The following NEK3 variants were observed in gnomAD, a reference collection of about 807,000 sequenced individuals.
NEK3 encodes the protein NIMA related kinase 3.
A neutral mutation model predicts 66.0 loss-of-function variants in NEK3; 54 were observed. The ratio of observed to expected loss-of-function variants is 0.82; its 90% CI spans 0.66 to 1.03. The LOEUF (loss-of-function observed/expected upper bound fraction) is 1.03. Ranked by LOEUF, NEK3 falls within the 50% of genes least tolerant of loss-of-function variation. The pLI, the probability that NEK3 is intolerant of heterozygous loss-of-function variation, is 0.00. For synonymous variants in NEK3, 200 were observed against 206.2 expected, an observed-to-expected ratio of 0.97 and a Z score of 0.26; for missense variants, 593 against 603.0, an observed-to-expected ratio of 0.98 and a Z score of 0.17.
intron 2 of NEK3, among the ~76,000 whole-genome samples, chr13:52,155,732 A>G (rs1000236892): frequency 2.0e-5 from 3 of 152,238 alleles, no homozygotes; most frequent in Non-Finnish European, 4.4e-5. Context: ...GCTGGAGTGC[A>G]GTGGCACAAT....
intron 8 of NEK3, among the ~76,000 whole-genome samples, chr13:52,147,579 G>A (rs1403499760): frequency 6.6e-6 from 1 of 152,174 alleles, no homozygotes; most frequent in East Asian, 1.9e-4. Context: ...AAATTCATGA[G>A]GCAGAAATTA....
chr13:52,156,410 T>C (rs1286278769), intron 1 of NEK3, 162 bp from the exon 2 acceptor site: 1 of 375,634 alleles, frequency 2.7e-6, no homozygotes, highest in African/African-American at 2.1e-5. Flanking sequence ...ATGTAAGAAT[T>C]GTTTTGAGCT....
At chr13:52,146,105 T>C (rs1434107014) in intron 8 of NEK3, among the ~76,000 whole-genome samples, 1 of 152,220 alleles carries the variant, frequency 6.6e-6, no homozygotes, top group Non-Finnish European at 1.5e-5. Flanking sequence ...TCCTTAATAA[T>C]TTCTGCTTGT....
chr13:52,133,891 C>CAG, intron 14 of NEK3, 76 bp from the exon 15 acceptor site: 2 of 1,443,856 alleles, frequency 1.4e-6, no homozygotes, highest in African/African-American at 1.4e-5. Context: ...TTAAAATCCT[C>CAG]CGTAAGCTTG....
At chr13:52,139,720 A>C (rs1956231768) in intron 11 of NEK3, among the ~76,000 whole-genome samples, 1 of 152,004 alleles carries the variant, frequency 6.6e-6, no homozygotes, top group Non-Finnish European at 1.5e-5. Context: ...CCAACATAGC[A>C]AAACCCCATC....
chr13:52,141,699 G>C (rs1036792017), intron 10 of NEK3, among the ~76,000 whole-genome samples: 1 of 152,194 alleles, frequency 6.6e-6, no homozygotes, highest in Non-Finnish European at 1.5e-5. Context: ...TCTGTCTACA[G>C]ATTAAACTGG....
At chr13:52,158,864 C>A (rs1428320262) in intron 1 of NEK3, among the ~76,000 whole-genome samples, 1 of 152,188 alleles carries the variant, frequency 6.6e-6, no homozygotes, top group Non-Finnish European at 1.5e-5. Context: ...CATCTTGCTT[C>A]TAACCTCACG....
chr13:52,135,783 G>C lies in NEK3; in HGVS notation c.1255C>G (p.Leu419Val). Residue 419 changes from leucine to valine, a missense_variant, in exon 14 of 16, where the codon CTT becomes GTT. Coordinates refer to ENST00000610828, the MANE Select transcript of NEK3 (RefSeq NM_002498.3). The stretch of plus-strand genomic sequence containing the variant: ...GCCAAGCTGAGATCAGCATTCTTAA[G>C]GATGTTCAACAAAGTGTCAGGGGTC... ...KETPDTLLNI[L>V]KNADLSLAFQ... 1.2e-6 allele frequency: 2 copies of C among 1,613,652 alleles called. No homozygotes were observed. The highest frequency in any genetic ancestry group is 1.1e-5 in the South Asian group (1 of 91,072).
At chr13:52,141,741 T>A (rs929905342) in intron 10 of NEK3, among the ~76,000 whole-genome samples, 11 of 137,956 alleles carry the variant, frequency 8.0e-5, no homozygotes. Flanking sequence ...CCCAGTCTGG[T>A]GGCATTTCTC....
chr13:52,133,944 T>C, intron 14 of NEK3, 129 bp from the exon 15 acceptor site: 1 of 868,174 alleles, frequency 1.2e-6, no homozygotes, highest in Non-Finnish European at 1.7e-6. Flanking sequence ...TTTTGTAGTG[T>C]CTCCCCACAT....
chr13:52,156,160 C>A lies in NEK3; in HGVS notation c.32G>T (p.Gly11Val), dbSNP rs1373182430. MDDYMVLRMI[G>V]EGSFGRALLV... ...AAGAGCTCTGCCGAAGGAGCCCTCC[C>A]CAATCATTCTCAGGACCATGTAGTC... Residue 11 changes from glycine to valine, a missense_variant, in exon 2 of 16, where the codon GGG becomes GTG. Transcript: ENST00000610828. The A allele has an allele frequency of 1.2e-6, 2 of 1,603,608 alleles. No homozygotes were observed. Among genetic ancestry groups the A allele is most frequent in the African/African-American group, 1.3e-5 (1 of 74,800 alleles).
intron 15 of NEK3, 59 bp downstream of exon 15, chr13:52,133,630 C>G (rs1956175164): frequency 1.4e-6 from 2 of 1,460,220 alleles, no homozygotes; most frequent in Non-Finnish European, 1.8e-6. Context: ...CACACACACA[C>G]ACACACACAC....
intron 11 of NEK3, among the ~76,000 whole-genome samples, chr13:52,137,148 T>C (rs192273030): frequency 1.3e-5 from 2 of 152,104 alleles, no homozygotes; most frequent in Non-Finnish European, 2.9e-5. Context: ...TACACATTAA[T>C]AGCCATTAAT....
chr13:52,136,293 ATG>A lies in NEK3; in HGVS notation c.1031-36_1031-35del, dbSNP rs1266738550. Reference sequence around the variant, plus strand: ...AAAGTGTGAAAAAGGAATGCCAAGCATGTGAAATTATGTATCCATCTCTGTCC... The same window carrying A: ...AAAGTGTGAAAAAGGAATGCCAAGCATGAAATTATGTATCCATCTCTGTCC... On this transcript the variant is annotated intron_variant, in intron 12 of 15. Transcript: ENST00000610828. The A allele has an allele frequency of 6.2e-6, 10 of 1,607,366 alleles. No homozygotes were observed. In the East Asian group the frequency reaches 2.2e-4, roughly 36 times the overall value.
intron 14 of NEK3, 148 bp downstream of exon 14, chr13:52,135,581 G>T: frequency 1.7e-6 from 1 of 584,530 alleles, no homozygotes. Context: ...GATGGAAACT[G>T]GTGATGGCTG....
intron 3 of NEK3, 42 bp from the exon 4 acceptor site, chr13:52,154,034 T>C: frequency 6.2e-7 from 1 of 1,601,330 alleles, no homozygotes; most frequent in Non-Finnish European, 8.6e-7. Context: ...GTAGTGGCTA[T>C]AAATCAAATT....
At chr13:52,159,713 T>C (rs1956428711), upstream of NEK3, 1 of 152,266 alleles carries the variant, frequency 6.6e-6, no homozygotes, top group Non-Finnish European at 1.5e-5. Context: ...TTAAAGCTGT[T>C]GTTCCACGTT....
intron 11 of NEK3, among the ~76,000 whole-genome samples, chr13:52,138,826 G>A (rs1956225692): frequency 6.6e-6 from 1 of 152,126 alleles, no homozygotes; most frequent in Non-Finnish European, 1.5e-5. Context: ...AGCTACTCAA[G>A]AGGCTGAGGT....
intron 4 of NEK3, among the ~76,000 whole-genome samples, chr13:52,153,441 A>G (rs1267087177): frequency 1.3e-5 from 2 of 152,184 alleles, no homozygotes; most frequent in Non-Finnish European, 2.9e-5. Flanking sequence ...TTCCACTAAA[A>G]AGGCAGCAAG....
Sources: allele counts gnomAD v4.1 joint callset (sites outside exome capture counted in the v4.1 genomes callset), GRCh38; gene constraint gnomAD v4.1.1; transcripts MANE v1.5; gene names NCBI Gene and HGNC (gene_info 2026-07-23, HGNC 2026-07-21).